Variants in CLINT1 observed in about 807,000 individuals in gnomAD.
CLINT1 encodes the protein clathrin interactor 1.
In CLINT1, 15 loss-of-function variants were observed where a neutral mutation model predicts 70.4. That is an observed-to-expected ratio of 0.21 (90% CI 0.14 to 0.33). The LOEUF (loss-of-function observed/expected upper bound fraction) is 0.33. Ranked by LOEUF, CLINT1 falls within the 10% of genes least tolerant of loss-of-function variation. The pLI, the probability that CLINT1 is intolerant of heterozygous loss-of-function variation, is 1.00. For missense variants in CLINT1, 615 were observed against 778.1 expected (o/e 0.79, Z 2.49); for synonymous variants, 227 against 254.7 (o/e 0.89, Z 1.04).
intron 5 of CLINT1, among the ~76,000 whole-genome samples, chr5:157,812,730 C>CTT (rs1268134334): frequency 6.6e-6 from 1 of 152,222 alleles, no homozygotes; most frequent in East Asian, 1.9e-4. Context: ...ACTCTAAACT[C>CTT]TGAGTTATAG....
intron 1 of CLINT1, among the ~76,000 whole-genome samples, chr5:157,840,569 A>AGT (rs533115967): frequency 1.5e-5 from 2 of 137,150 alleles, no homozygotes; most frequent in South Asian, 5.1e-4. Flanking sequence ...GAGGGAAGTA[A>AGT]GTGTGTGTGT....
At chr5:157,795,339 A>C (rs1339161113) in intron 8 of CLINT1, 2 of 171,278 alleles carry the variant, frequency 1.2e-5, no homozygotes, top group East Asian at 3.2e-4. Flanking sequence ...CTGGGGAATA[A>C]GATATTCACA....
chr5:157,848,139 C>G (rs956273914), intron 1 of CLINT1, among the ~76,000 whole-genome samples: 1 of 151,874 alleles, frequency 6.6e-6, no homozygotes, highest in Non-Finnish European at 1.5e-5. Flanking sequence ...GAGTCTCGCT[C>G]TGTCGCCCAG....
At chr5:157,850,566 G>A (rs1215779198) in intron 1 of CLINT1, among the ~76,000 whole-genome samples, 9 of 139,908 alleles carry the variant, frequency 6.4e-5, no homozygotes, top group Admixed American at 1.5e-4. Context: ...AGTCAAGATC[G>A]TGCATGCCAC....
chr5:157,794,870 A>C, intron 9 of CLINT1, 28 bp downstream of exon 9: 1 of 1,535,304 alleles, frequency 6.5e-7, no homozygotes, highest in Non-Finnish European at 8.8e-7. Context: ...ACCACCCTAG[A>C]CTTCTGGCCA....
At chr5:157,821,774 G>A (rs1034612305) in intron 1 of CLINT1, among the ~76,000 whole-genome samples, 8 of 152,082 alleles carry the variant, frequency 5.3e-5, no homozygotes, top group Non-Finnish European at 1.0e-4. Flanking sequence ...AAATCTTAAC[G>A]GACTCTAATA....
chr5:157,820,061 A>G (rs1415481593), intron 1 of CLINT1, among the ~76,000 whole-genome samples: 1 of 152,226 alleles, frequency 6.6e-6, no homozygotes, highest in East Asian at 1.9e-4. Context: ...ACATACTTAC[A>G]ATATAGTTAT....
chr5:157,794,822 A>G, intron 9 of CLINT1, 76 bp downstream of exon 9: 1 of 1,025,662 alleles, frequency 9.7e-7, no homozygotes, highest in Non-Finnish European at 1.5e-6. Context: ...AAAGAAGCTG[A>G]CTTGGGGGGA....
intron 1 of CLINT1, chr5:157,823,763 T>G (rs997663086): frequency 1.2e-6 from 1 of 833,704 alleles, no homozygotes; most frequent in Non-Finnish European, 1.4e-6. Context: ...CATTGTAGAA[T>G]AGGGGTACCC....
intron 1 of CLINT1, among the ~76,000 whole-genome samples, chr5:157,850,722 T>G (rs932799571): frequency 6.6e-6 from 1 of 151,040 alleles, no homozygotes; most frequent in African/African-American, 2.4e-5. Context: ...AAGTGATAAA[T>G]GAAAAATTAG....
chr5:157,857,146 C>G (rs1753784755), intron 1 of CLINT1, among the ~76,000 whole-genome samples: 1 of 148,748 alleles, frequency 6.7e-6, no homozygotes, highest in Non-Finnish European at 1.5e-5. Context: ...ACTTGGGAGG[C>G]TGAGGTGGGA....
intron 10 of CLINT1, chr5:157,790,547 C>T: frequency 2.4e-6 from 1 of 411,590 alleles, no homozygotes; most frequent in Non-Finnish European, 4.7e-6. Flanking sequence ...AGTAGACTGA[C>T]TTTATGCTTA....
chr5:157,830,816 AG>A, intron 1 of CLINT1, among the ~76,000 whole-genome samples: 1 of 145,884 alleles, frequency 6.9e-6, no homozygotes, highest in Non-Finnish European at 1.5e-5. Context: ...ATATATATAT[AG>A]AAACACATTT....
intron 1 of CLINT1, among the ~76,000 whole-genome samples, chr5:157,838,855 T>C (rs1319462359): frequency 1.3e-5 from 2 of 152,344 alleles, no homozygotes; most frequent in East Asian, 3.9e-4. Flanking sequence ...TAACTCATTT[T>C]AAAAAAACAA....
chr5:157,824,167 T>A (rs1290900521), intron 1 of CLINT1, among the ~76,000 whole-genome samples: 1 of 152,230 alleles, frequency 6.6e-6, no homozygotes, highest in African/African-American at 2.4e-5. Flanking sequence ...TAACATTAGA[T>A]AAATAGTTTT....
At position 157,786,297 on chromosome 5, in the gene CLINT1, T is replaced by A. The variant is rs1235132005; in HGVS notation, c.*1349A>T. The A allele has an allele frequency of 2.6e-5, 4 of 152,454 alleles. No homozygotes were observed. The highest frequency in any genetic ancestry group is 5.9e-5 in the Non-Finnish European group (4 of 68,008). The allele number at this position is 152,454 out of a possible 1,614,324, so 9.4% of individuals were successfully genotyped here. On this transcript the variant is annotated 3_prime_UTR_variant, in exon 12 of 12. Transcript: ENST00000411809. The stretch of plus-strand genomic sequence containing the variant: ...AAAAGCAGTTCAACATTGATTTTAA[T>A]GAACATTTTAATGTTATGTATAACA...
At chr5:157,853,542 T>A (rs772426486) in intron 1 of CLINT1, among the ~76,000 whole-genome samples, 12 of 151,800 alleles carry the variant, frequency 7.9e-5, no homozygotes, top group Non-Finnish European at 1.6e-4. Context: ...TTTGGGAGTC[T>A]GAGGCAGGTG....
intron 1 of CLINT1, among the ~76,000 whole-genome samples, chr5:157,840,841 C>T (rs756501076): frequency 4.0e-5 from 6 of 151,514 alleles, no homozygotes; most frequent in African/African-American, 7.3e-5. Context: ...GTTCGGAGTT[C>T]GAGAACAGCC....
intron 1 of CLINT1, among the ~76,000 whole-genome samples, chr5:157,819,716 A>T (rs572537624): frequency 4.6e-5 from 7 of 152,360 alleles, no homozygotes; most frequent in Non-Finnish European, 8.8e-5. Context: ...ATTATAATTC[A>T]CCCAAGCATT....
Sources: gnomAD v4.1 joint callset for allele counts (sites outside exome capture counted in the v4.1 genomes callset) on GRCh38, gnomAD v4.1.1 for gene constraint, MANE v1.5 for transcripts, NCBI Gene and HGNC (gene_info 2026-07-23, HGNC 2026-07-21) for gene names.